GPR108: variants seen among roughly 807,000 people sequenced by gnomAD.
The protein encoded by GPR108 is protein GPR108.
Under a neutral mutation model 74.3 loss-of-function variants are expected in GPR108, and 60 were observed. The observed-to-expected ratio is 0.81, with a 90% CI of 0.66 to 1.00. GPR108 has a LOEUF of 1.00. Among genes scored for constraint, GPR108 ranks in the 50% least tolerant of loss-of-function variants. GPR108 has a pLI of 0.00. For missense variants in GPR108, 667 were observed against 703.3 expected, an observed-to-expected ratio of 0.95 and a Z score of 0.58; for synonymous variants, 311 against 292.4, an observed-to-expected ratio of 1.06 and a Z score of -0.65.
rs764933847 is a variant in GPR108 at position 6,737,501 on chromosome 19, G to C, written c.76C>G (p.Leu26Val). Residue 26 changes from leucine to valine, a missense_variant, in exon 1 of 18, where the codon CTG (leucine) becomes GTG (valine). Physicochemically the swap from Leu to Val is conservative, Grantham distance 32. Transcript: ENST00000264080. ...ATGCGCCCGGAGCAGCCACCCAGCA[G>C]CAGCACCAGAAGTAGCCGCTGCCCC... The part of the protein sequence containing the change: ...EWGQRLLLVL[L>V]LGGCSGRIHQ... The C allele has an allele frequency of 1.1e-5, 17 of 1,584,930 alleles. No homozygotes were observed. In the African/African-American group the frequency reaches 2.2e-4, roughly 20 times the overall value.
intron 17 of GPR108, 120 bp from the exon 18 acceptor site, chr19:6,730,504 A>G: frequency 1.4e-6 from 1 of 704,988 alleles, no homozygotes; most frequent in Non-Finnish European, 2.3e-6. Flanking sequence ...GGCCTTGCCC[A>G]CTCTACCCCA....
At chr19:6,735,538 A>C in intron 4 of GPR108, 84 bp downstream of exon 4, 1 of 1,173,634 alleles carries the variant, frequency 8.5e-7, no homozygotes, top group Non-Finnish European at 1.3e-6. Flanking sequence ...TTCTCATCCC[A>C]CCTGATCAGC....
intron 14 of GPR108, 38 bp from the exon 15 acceptor site, chr19:6,731,560 G>A (rs745554242): frequency 2.2e-5 from 24 of 1,070,126 alleles, no homozygotes; most frequent in Middle Eastern, 3.1e-4. Flanking sequence ...AGGGGAGACT[G>A]AGGGTGGGAG....
rs772685026 is a variant in GPR108 at position 6,731,234 on chromosome 19, C to A, written c.1399G>T (p.Val467Leu). The A allele has an allele frequency of 9.6e-6, 15 of 1,566,560 alleles. No individual in the cohort carries two copies. Among genetic ancestry groups the A allele is most frequent in the Non-Finnish European group, 1.3e-5 (15 of 1,153,808 alleles). ...CACTGCCACTGAAAGGGCACAGCCA[C>A]CTGCAGCAGGATGGCGATGATGCGG... ...FTRIIAILLQ[V>L]AVPFQWQWLY... The change falls in exon 16 of 18, where the codon GTG (valine) becomes TTG (leucine). Residue 467 changes from valine (V) to leucine (L), a missense_variant. Physicochemically the swap from Val to Leu is conservative, Grantham distance 32 (BLOSUM62 1). Coordinates refer to ENST00000264080, the MANE Select transcript of GPR108 (RefSeq NM_001080452.2).
At chr19:6,730,767 C>T (rs1358773138) in intron 17 of GPR108, among the ~76,000 whole-genome samples, 1 of 149,778 alleles carries the variant, frequency 6.7e-6, no homozygotes, top group East Asian at 2.0e-4. Flanking sequence ...ACCCCTAGCT[C>T]AGCCTGGCCT....
Position 6,733,988 on chromosome 19 carries a change from C to T in GPR108, c.549+17G>A, listed in dbSNP as rs1968528365. On this transcript the variant is annotated intron_variant, in intron 6 of 17. Coordinates refer to ENST00000264080, the MANE Select transcript of GPR108 (RefSeq NM_001080452.2). ...CCTGGGGTGTGCATCTTCCCTCCTG[C>T]CCCGCCTCCCCGAAACCTGAATCAC... The T allele has an allele frequency of 2.5e-6, 4 of 1,614,040 alleles. No individual in the cohort carries two copies. The highest frequency in any genetic ancestry group is 1.1e-5 in the South Asian group (1 of 91,082).
At chr19:6,734,460 T>C (rs1968550016) in intron 4 of GPR108, among the ~76,000 whole-genome samples, 153 bp from the exon 5 acceptor site, 1 of 152,178 alleles carries the variant, frequency 6.6e-6, no homozygotes, top group Admixed American at 6.5e-5. Flanking sequence ...AGCCTTTGGT[T>C]CCCACCGGTC....
At position 6,733,596 on chromosome 19, in the gene GPR108, C is replaced by T. The variant is rs755493892; in HGVS notation, c.697G>A (p.Gly233Arg). ...GTGATGTCGAATGGATGCTCCTTTC[C>T]TGGCACTGAATTGTTGCAGTTGTGG... ...NFHNCNNSVPGKEHPFDITVM... is the reference protein window; with the variant it reads ...NFHNCNNSVPRKEHPFDITVM... The change falls in exon 8 of 18, where the codon GGA becomes AGA. Residue 233 changes from glycine to arginine, a missense_variant. Physicochemically the swap from Gly to Arg is moderately radical, Grantham distance 125. Transcript: ENST00000264080. 5.0e-6 allele frequency: 8 copies of T among 1,614,202 alleles called. No individual in the cohort carries two copies. Among genetic ancestry groups the T allele is most frequent in the Non-Finnish European group, 6.8e-6 (8 of 1,180,004 alleles).
intron 1 of GPR108, 186 bp downstream of exon 1, chr19:6,737,271 G>A: frequency 1.4e-6 from 1 of 737,008 alleles, no homozygotes; most frequent in Non-Finnish European, 2.1e-6. Context: ...GGCGGACCCG[G>A]CAACTCCATC....
In GPR108 at chr19:6,732,779, C is replaced by T. The variant is rs1968470377; in HGVS notation, c.933+208G>A. Reference sequence around the variant, plus strand: ...GACAATCAGAGACGGACAGTCACAGCTGAACCAAGGGACAGTGGTGGACAG... The same window carrying T: ...GACAATCAGAGACGGACAGTCACAGTTGAACCAAGGGACAGTGGTGGACAG... On this transcript the variant is annotated intron_variant, in intron 10 of 17. Coordinates refer to ENST00000264080, the MANE Select transcript of GPR108 (RefSeq NM_001080452.2). 6.1e-6 allele frequency: 4 copies of T among 654,468 alleles called. No homozygotes were observed. In the South Asian group the frequency reaches 7.0e-5, roughly 11 times the overall value. The allele number at this position is 654,468 out of a possible 1,614,324, so 40.5% of individuals were successfully genotyped here. A position where few individuals can be genotyped will look rare whatever the true frequency, so the allele number is the denominator to read the frequency against.
At chr19:6,732,804 G>A (rs927156821) in intron 10 of GPR108, 183 bp downstream of exon 10, 2 of 655,916 alleles carry the variant, frequency 3.0e-6, no homozygotes, top group African/African-American at 3.6e-5. Flanking sequence ...GTGGTGGACA[G>A]AGCTGCCCCG....
At position 6,735,969 on chromosome 19, in the gene GPR108, GA is replaced by G. The variant is rs746112267; in HGVS notation, c.241-12del. The G allele has an allele frequency of 1.3e-4, 197 of 1,572,318 alleles. No homozygotes were observed. Among genetic ancestry groups the G allele is most frequent in the Middle Eastern group, 5.1e-4 (3 of 5,924 alleles). On this transcript the variant is annotated splice_polypyrimidine_tract_variant and intron_variant, in intron 2 of 17. Transcript: ENST00000264080. ...GAGACTGAACCCCACCTGGTGGGTG[GA>G]AAAAAAAAGGGGAGGGTGTGAGGGA...
At chr19:6,730,863 C>A (rs1968364460) in intron 17 of GPR108, 124 bp downstream of exon 17, 3 of 1,098,622 alleles carry the variant, frequency 2.7e-6, no homozygotes, top group Non-Finnish European at 3.9e-6. Context: ...CAACAGCAGG[C>A]TCTGCCCTAA....
chr19:6,730,122 G>T lies in GPR108; in HGVS notation c.*190C>A. On this transcript the variant is annotated 3_prime_UTR_variant, in exon 18 of 18. Coordinates refer to ENST00000264080, the MANE Select transcript of GPR108 (RefSeq NM_001080452.2). ...GAGGGGTGGTCCCGGGGTAAGGACA[G>T]GGCTGCCCAATATTTGGGGGGAGGA... The T allele has an allele frequency of 1.6e-6, 1 of 619,060 alleles. No homozygotes were observed. Among genetic ancestry groups the T allele is most frequent in the Non-Finnish European group, 2.9e-6 (1 of 339,526 alleles). The allele number at this position is 619,060 out of a possible 1,614,324, so 38.3% of individuals were successfully genotyped here.
rs989951267 is a variant in GPR108, at chr19:6,731,799, G to A, written c.1300+92C>T. The A allele has an allele frequency of 5.6e-6, 8 of 1,439,822 alleles. No individual in the cohort carries two copies. The Admixed American group carries it at 5.7e-5, about 10-fold the overall frequency. 89.2% of individuals were successfully genotyped at this position (1,439,822 alleles called of 1,614,324 possible). A position where few individuals can be genotyped will look rare whatever the true frequency, so the allele number is the denominator to read the frequency against. Reference sequence around the variant, plus strand: ...GAGGCAGAGGCCTGGGGGCTGGGCAGAGAGGCCAGGAGGGGCATCCAAGGG... The same window carrying A: ...GAGGCAGAGGCCTGGGGGCTGGGCAAAGAGGCCAGGAGGGGCATCCAAGGG... On this transcript the variant is annotated intron_variant, in intron 14 of 17. Transcript: ENST00000264080.
intron 14 of GPR108, 39 bp from the exon 15 acceptor site, chr19:6,731,561 AGGGT>A: frequency 6.8e-5 from 2 of 29,356 alleles, no homozygotes; most frequent in Non-Finnish European, 1.4e-4. Flanking sequence ...GGGGAGACTG[AGGGT>A]GGGAGGGAGG....
At position 6,735,915 on chromosome 19, in the gene GPR108, G is replaced by T; in HGVS notation, c.284C>A (p.Ser95Tyr). 6.2e-7 allele frequency: 1 copy of T among 1,611,852 alleles called. No homozygotes were observed. Among genetic ancestry groups the T allele is most frequent in the Non-Finnish European group, 8.5e-7 (1 of 1,178,908 alleles). Reference sequence around the variant, plus strand: ...CCCATGCCCTCCACTCACTGAATAGGAGCGAACTCTGCCAGACCGAACCCG... The same window carrying T: ...CCCATGCCCTCCACTCACTGAATAGTAGCGAACTCTGCCAGACCGAACCCG... ...LSRVRSGRVR[S>Y]YSTRDFQDCP... The change falls in exon 3 of 18, where the codon TCC (serine) becomes TAC (tyrosine). Residue 95 changes from serine to tyrosine, a missense_variant. Coordinates refer to ENST00000264080, the MANE Select transcript of GPR108 (RefSeq NM_001080452.2).
Position 6,737,569 on chromosome 19 carries a change from A to G in GPR108, c.8T>C (p.Val3Ala), listed in dbSNP as rs760100009. 6.0e-6 allele frequency: 9 copies of G among 1,506,664 alleles called. No homozygotes were observed. Among genetic ancestry groups the G allele is most frequent in the Admixed American group, 2.2e-5 (1 of 45,932 alleles). The allele number at this position is 1,506,664 out of a possible 1,614,324, so 93.3% of individuals were successfully genotyped here. MA[V>A]SERRGLGRGS... ...GCGGCCGAGCCCCCTCCTCTCGCTCACTGCCATCTCTGGAGCCACCTCCTC... is the reference window on the plus strand; with the variant it reads ...GCGGCCGAGCCCCCTCCTCTCGCTCGCTGCCATCTCTGGAGCCACCTCCTC... The change falls in exon 1 of 18, where the codon GTG (valine) becomes GCG (alanine). Residue 3 changes from valine (V) to alanine (A), a missense_variant. By Grantham distance (64) the Val-to-Ala change is moderately conservative. Transcript: ENST00000264080.
Position 6,731,544 on chromosome 19 carries a change from G to A in GPR108, c.1301-22C>T, listed in dbSNP as rs561182012. On this transcript the variant is annotated intron_variant, in intron 14 of 17. Coordinates refer to ENST00000264080, the MANE Select transcript of GPR108 (RefSeq NM_001080452.2). The stretch of plus-strand genomic sequence containing the variant: ...GCCACTGAGGGTGGGCACAGAGAGG[G>A]CGGTCAGGGGAGACTGAGGGTGGGA... 9 of 1,443,830 alleles carry A rather than the reference G, an allele frequency of 6.2e-6. No homozygotes were observed. In the East Asian group the frequency reaches 1.9e-4, roughly 31 times the overall value. 89.4% of individuals were successfully genotyped at this position (1,443,830 alleles called of 1,614,324 possible).
Sources: allele counts gnomAD v4.1 joint callset (sites outside exome capture counted in the v4.1 genomes callset), GRCh38; gene constraint gnomAD v4.1.1; transcripts MANE v1.5; gene names NCBI Gene and HGNC (gene_info 2026-07-23, HGNC 2026-07-21).